The following ANKRD33B variants were observed in gnomAD, a reference collection of about 807,000 sequenced individuals.
The protein encoded by ANKRD33B is ankyrin repeat domain 33B.
ANKRD33B carries 6 observed loss-of-function variants against 21.5 expected under a neutral mutation model. That is an observed-to-expected ratio of 0.28 (90% confidence interval 0.15 to 0.55). ANKRD33B has a LOEUF of 0.55. Among genes scored for constraint, ANKRD33B ranks in the 20% least tolerant of loss-of-function variants. The pLI, the probability that ANKRD33B is intolerant of heterozygous loss-of-function variation, is 0.94. For missense variants in ANKRD33B, 698 were observed against 747.2 expected, an observed-to-expected ratio of 0.93 and a Z score of 0.77; for synonymous variants, 347 against 342.4, an observed-to-expected ratio of 1.01 and a Z score of -0.15.
chr5:10,644,469 T>A (rs1016586270), intron 3 of ANKRD33B, among the ~76,000 whole-genome samples: 1 of 152,194 alleles, frequency 6.6e-6, no homozygotes, highest in Non-Finnish European at 1.5e-5. Context: ...GAGCTCACTT[T>A]CAGACCTGAA....
chr5:10,594,136 A>G (rs1014559170), intron 1 of ANKRD33B, among the ~76,000 whole-genome samples: 7 of 149,116 alleles, frequency 4.7e-5, no homozygotes, highest in Non-Finnish European at 7.4e-5. Flanking sequence ...TTATTCAGGG[A>G]GGGATGTTTA....
At chr5:10,620,525 T>C (rs1024521633) in intron 2 of ANKRD33B, among the ~76,000 whole-genome samples, 1 of 152,164 alleles carries the variant, frequency 6.6e-6, no homozygotes, top group African/African-American at 2.4e-5. Context: ...AATATGAGAA[T>C]GTACGATAAG....
intron 2 of ANKRD33B, among the ~76,000 whole-genome samples, chr5:10,632,837 G>A (rs1213593016): frequency 6.6e-6 from 1 of 152,136 alleles, no homozygotes; most frequent in Non-Finnish European, 1.5e-5. Context: ...GCCCAGGCTG[G>A]AGTACAGTGG....
In ANKRD33B at chr5:10,633,836, C is replaced by T. The variant is rs565196949; in HGVS notation, c.497-4192C>T. On this transcript the variant is annotated intron_variant, in intron 2 of 3. Transcript: ENST00000296657. ...GGAGTTATGAGTTTTTGGAGGAAGA[C>T]GCCCGATAAAGGGCTGATGGGCCTT... Among the ~76,000 whole-genome samples, 215 of 152,194 alleles carry T rather than the reference C, an allele frequency of 1.4e-3. 1 individual carries two copies. Among genetic ancestry groups the T allele is most frequent in the African/African-American group, 4.8e-3 (199 of 41,514 alleles).
At chr5:10,593,472 G>A (rs1735741676) in intron 1 of ANKRD33B, among the ~76,000 whole-genome samples, 1 of 152,060 alleles carries the variant, frequency 6.6e-6, no homozygotes, top group African/African-American at 2.4e-5. Context: ...CACATTTGTT[G>A]TATGACATTT....
rs1737358361 is a variant in ANKRD33B, at chr5:10,651,583, T to C, written c.*1470T>C. 6.6e-6 allele frequency: 1 copy of C among 152,346 alleles called. No individual in the cohort carries two copies. The highest frequency in any genetic ancestry group is 6.5e-5 in the Admixed American group (1 of 15,284). The allele number at this position is 152,346 out of a possible 1,614,324, so 9.4% of individuals were successfully genotyped here. A position where few individuals can be genotyped will look rare whatever the true frequency, so the allele number is the denominator to read the frequency against. On this transcript the variant is annotated 3_prime_UTR_variant, in exon 4 of 4. Transcript: ENST00000296657. Reference sequence around the variant, plus strand: ...CTAATGGCTCTCTGGCCATGTGGGTTGTAGAGTGTCTGTCACATATGCACT... The same window carrying C: ...CTAATGGCTCTCTGGCCATGTGGGTCGTAGAGTGTCTGTCACATATGCACT...
chr5:10,622,803 A>G (rs73744116), intron 2 of ANKRD33B, among the ~76,000 whole-genome samples: 18 of 64,936 alleles, frequency 2.8e-4, no homozygotes, highest in South Asian at 7.9e-4. Flanking sequence ...GCTTTATTTT[A>G]TTTTATTTTT....
intron 2 of ANKRD33B, among the ~76,000 whole-genome samples, chr5:10,620,785 G>T (rs1046107153): frequency 3.9e-5 from 6 of 152,158 alleles, no homozygotes; most frequent in Non-Finnish European, 5.9e-5. Context: ...CCTGGTGTGG[G>T]TGATGCTAAA....
chr5:10,624,987 T>A, intron 2 of ANKRD33B: 1 of 346,674 alleles, frequency 2.9e-6, no homozygotes, highest in South Asian at 2.2e-5. Context: ...GCTTTGAAGA[T>A]TTTATGCCTG....
At chr5:10,616,518 C>T (rs1193156753) in intron 1 of ANKRD33B, among the ~76,000 whole-genome samples, 3 of 147,066 alleles carry the variant, frequency 2.0e-5, no homozygotes, top group Non-Finnish European at 4.4e-5. Context: ...GAGCTGAAAT[C>T]GCACCATTGC....
intron 1 of ANKRD33B, among the ~76,000 whole-genome samples, chr5:10,572,794 C>T (rs981618110): frequency 9.2e-5 from 14 of 152,330 alleles, no homozygotes; most frequent in African/African-American, 3.1e-4. Flanking sequence ...CCTGCTTCTT[C>T]CTGGGCCTCC....
chr5:10,630,913 A>G (rs2126593297), intron 2 of ANKRD33B, among the ~76,000 whole-genome samples: 1 of 152,148 alleles, frequency 6.6e-6, no homozygotes, highest in South Asian at 2.1e-4. Flanking sequence ...GCTAATAAAT[A>G]GACTGAGTGG....
chr5:10,642,345 C>T (rs1398688986), intron 3 of ANKRD33B, among the ~76,000 whole-genome samples: 1 of 152,122 alleles, frequency 6.6e-6, no homozygotes, highest in African/African-American at 2.4e-5. Context: ...TGAGACTCTC[C>T]CTCCCCTATT....
At position 10,649,828 on chromosome 5, in the gene ANKRD33B, C is replaced by G. The variant is rs1737293371; in HGVS notation, c.1200C>G (p.Ala400=). ...GGTCCCGGGGCCCCGCAGCGCCCGC[C>G]CCGCGGAAGGCCAGCCTCCTGCCCC... ...ALGSRGPAAP[A]PRKASLLPLQ... The change falls in exon 4 of 4, where the codon GCC becomes GCG. Residue 400 remains alanine (A), a synonymous_variant. Coordinates refer to ENST00000296657, the MANE Select transcript of ANKRD33B (RefSeq NM_001164440.2). The G allele has an allele frequency of 7.2e-7, 1 of 1,390,974 alleles. No homozygotes were observed. The highest frequency in any genetic ancestry group is 1.5e-5 in the South Asian group (1 of 65,168). 86.2% of individuals were successfully genotyped at this position (1,390,974 alleles called of 1,614,324 possible).
rs1228311721 is a variant in ANKRD33B, at chr5:10,619,720, AG to A, written c.496+1261del. ...TTTGAAAACCTAGCAAGAGTGTGAA[AG>A]GGCTTTGTAAGGCATTCAGTGATTC... On this transcript the variant is annotated intron_variant, in intron 2 of 3. Coordinates refer to ENST00000296657, the MANE Select transcript of ANKRD33B (RefSeq NM_001164440.2). The surrounding 1 kb of genome is among the most constrained non-coding windows in gnomAD (Gnocchi z 4.5). Among the ~76,000 whole-genome samples the A allele has an allele frequency of 6.6e-6, 1 of 152,296 alleles. No homozygotes were observed. Among genetic ancestry groups the A allele is most frequent in the Admixed American group, 6.5e-5 (1 of 15,296 alleles).
In ANKRD33B at chr5:10,610,580, A is replaced by G. The variant is rs114506253; in HGVS notation, c.367-7753A>G. ...TCACAGAACTTTGGACACAGTGTCT[A>G]TCAGTTTAGGGGCATGGATGAACAT... On this transcript the variant is annotated intron_variant, in intron 1 of 3. Coordinates refer to ENST00000296657, the MANE Select transcript of ANKRD33B (RefSeq NM_001164440.2). 8.6e-3 allele frequency among the ~76,000 whole-genome samples: 1,314 copies of G among 152,338 alleles called. 14 individuals are homozygous for G. The highest frequency in any genetic ancestry group is 0.03 in the African/African-American group (1,252 of 41,574).
At chr5:10,607,564 A>G (rs1736073674) in intron 1 of ANKRD33B, among the ~76,000 whole-genome samples, 1 of 152,272 alleles carries the variant, frequency 6.6e-6, no homozygotes. Flanking sequence ...TGAGTACTGC[A>G]GCTGAATCCA....
intron 1 of ANKRD33B, among the ~76,000 whole-genome samples, chr5:10,607,680 T>A (rs773819323): frequency 2.0e-5 from 3 of 152,244 alleles, no homozygotes; most frequent in Non-Finnish European, 2.9e-5. Context: ...ATCTTCCTCC[T>A]GTGCATGCTA....
At chr5:10,579,306 A>C (rs1735390202) in intron 1 of ANKRD33B, among the ~76,000 whole-genome samples, 1 of 151,544 alleles carries the variant, frequency 6.6e-6, no homozygotes, top group East Asian at 1.9e-4. Context: ...ATAGACAGGA[A>C]GGCTATTTTT....
Sources: gnomAD v4.1 joint callset for allele counts (sites outside exome capture counted in the v4.1 genomes callset) on GRCh38, gnomAD v4.1.1 for gene constraint, Gnocchi (gnomAD v3.1) non-coding constraint, MANE v1.5 for transcripts, NCBI Gene and HGNC (gene_info 2026-07-23, HGNC 2026-07-21) for gene names.